Variants in SNAPC4 observed in about 807,000 individuals in gnomAD.
SNAPC4 encodes snRNA-activating protein complex subunit 4.
A neutral mutation model predicts 151.3 loss-of-function variants in SNAPC4; 127 were observed. The ratio of observed to expected loss-of-function variants is 0.84; its 90% confidence interval spans 0.73 to 0.97. SNAPC4 has a LOEUF of 0.97. SNAPC4 is among the 50% of genes least tolerant of loss of function. The pLI is 0.00. For synonymous variants in SNAPC4, 1,002 were observed against 824.4 expected (o/e 1.22, Z -3.69); for missense variants, 2,186 against 1,935.0 (o/e 1.13, Z -2.43).
intron 16 of SNAPC4, 66 bp from the exon 17 acceptor site, chr9:136,382,402 G>A (rs980572375): frequency 4.1e-5 from 55 of 1,341,420 alleles, no homozygotes; most frequent in South Asian, 4.8e-5. Flanking sequence ...CCCTCCCCTC[G>A]CTGCCCACAC....
chr9:136,387,470 C>G lies in SNAPC4; in HGVS notation c.1325+15G>C, dbSNP rs368179285. On this transcript the variant is annotated intron_variant, in intron 13 of 23. Transcript: ENST00000684778. The stretch of plus-strand genomic sequence containing the variant: ...CCACACGGGCCCCTCCCTCGCTCAG[C>G]GCTGTGCGACTCACCGATCTCGGCA... 1 of 1,582,380 alleles carries G rather than the reference C, an allele frequency of 6.3e-7. No individual in the cohort carries two copies. The highest frequency in any genetic ancestry group is 1.3e-5 in the African/African-American group (1 of 74,214).
At position 136,394,793 on chromosome 9, in the gene SNAPC4, C is replaced by A. The variant is rs377492484; in HGVS notation, c.550+7G>T. ...AGGGGTGCCGCAGGGCCGGCCAGGG[C>A]TCTTACATTTGGTCACAAGGAGCTC... On this transcript the variant is annotated splice_region_variant and intron_variant, in intron 6 of 23. Coordinates refer to ENST00000684778, the MANE Select transcript of SNAPC4 (RefSeq NM_003086.4). 20 of 1,613,392 alleles carry A rather than the reference C, an allele frequency of 1.2e-5. No individual in the cohort carries two copies. The highest frequency in any genetic ancestry group is 1.7e-4 in the Middle Eastern group (1 of 6,050).
intron 21 of SNAPC4, 80 bp downstream of exon 21, chr9:136,379,757 A>G: frequency 7.4e-7 from 1 of 1,358,496 alleles, no homozygotes; most frequent in Non-Finnish European, 1.0e-6. Flanking sequence ...CTGTGGGTGA[A>G]AGCCAGGGCC....
At position 136,383,888 on chromosome 9, in the gene SNAPC4, T is replaced by C. The variant is rs1287386085; in HGVS notation, c.1500+65A>G. 10 of 1,216,364 alleles carry C rather than the reference T, an allele frequency of 8.2e-6. No homozygotes were observed. The highest frequency in any genetic ancestry group is 6.1e-6 in the Non-Finnish European group (5 of 822,250). The allele number at this position is 1,216,364 out of a possible 1,614,324, so 75.3% of individuals were successfully genotyped here. The stretch of plus-strand genomic sequence containing the variant: ...CCCCCTCCCCTCCCCTCCTCCTGCC[T>C]GCTGGACCCCCCAGTTGACCAGGCC... On this transcript the variant is annotated intron_variant, in intron 15 of 23. Transcript: ENST00000684778. The surrounding 1 kb of genome is among the most constrained non-coding windows in gnomAD (Gnocchi z 4.2).
chr9:136,394,929 C>A, intron 5 of SNAPC4, 51 bp from the exon 6 acceptor site: 1 of 1,513,424 alleles, frequency 6.6e-7, no homozygotes, highest in Non-Finnish European at 9.1e-7. Context: ...GTGCTCCCTG[C>A]AGGCCCAGCA....
chr9:136,394,724 G>A (rs982560085), intron 6 of SNAPC4, 76 bp downstream of exon 6: 3 of 1,341,176 alleles, frequency 2.2e-6, no homozygotes, highest in East Asian at 2.3e-5. Context: ...AGAACTTGGG[G>A]AGAAACTGGG....
Position 136,377,605 on chromosome 9 carries a change from C to A in SNAPC4, c.4222G>T (p.Glu1408Ter), listed in dbSNP as rs558443363. 6.5e-7 allele frequency: 1 copy of A among 1,541,988 alleles called. No homozygotes were observed. Among genetic ancestry groups the A allele is most frequent in the South Asian group, 1.2e-5 (1 of 82,258 alleles). ...CCGTCCCTGTCTGCAAGTTCCAGCT[C>A]ACTCAGGAGGTCTTCATCCTCACTC... ...SESEDEDLLS[E>*]LELADRDGQP... Residue 1408 changes from glutamate to a stop codon, truncating the protein, a stop_gained, in exon 22 of 24, where the codon GAG (glutamate) becomes TAG (stop). Transcript: ENST00000684778. LOFTEE classifies it high-confidence loss of function.
At chr9:136,394,393 G>T in intron 6 of SNAPC4, 63 bp from the exon 7 acceptor site, 1 of 1,445,564 alleles carries the variant, frequency 6.9e-7, no homozygotes, top group Non-Finnish European at 9.7e-7. Flanking sequence ...CAGCCCCCAC[G>T]GTTGGTGTGC....
At chr9:136,377,457 GC>G in intron 22 of SNAPC4, 85 bp downstream of exon 22, 1 of 1,444,974 alleles carries the variant, frequency 6.9e-7, no homozygotes. Context: ...ACTTCCACCA[GC>G]CCCCACCCCA....
Position 136,383,922 on chromosome 9 carries a change from G to A in SNAPC4, c.1500+31C>T. 1 of 1,596,668 alleles carries A rather than the reference G, an allele frequency of 6.3e-7. No homozygotes were observed. Among genetic ancestry groups the A allele is most frequent in the Middle Eastern group, 1.7e-4 (1 of 5,980 alleles). On this transcript the variant is annotated intron_variant, in intron 15 of 23. Transcript: ENST00000684778. The surrounding 1 kb of genome is among the most constrained non-coding windows in gnomAD (Gnocchi z 4.2). The stretch of plus-strand genomic sequence containing the variant: ...CCCCAGTTGACCAGGCCATTGTCTG[G>A]TTTCAGATAAAGAAGGAGCGAGTGG...
At chr9:136,399,573 G>A (rs183153558) in intron 1 of SNAPC4, among the ~76,000 whole-genome samples, 4 of 152,310 alleles carry the variant, frequency 2.6e-5, no homozygotes, top group South Asian at 2.1e-4. Context: ...ACTGACATCA[G>A]GGGCTGTCCC....
Position 136,377,765 on chromosome 9 carries a change from C to G in SNAPC4, c.4062G>C (p.Gln1354His), listed in dbSNP as rs746934799. The G allele has an allele frequency of 1.9e-6, 3 of 1,611,190 alleles. No homozygotes were observed. Among genetic ancestry groups the G allele is most frequent in the African/African-American group, 2.7e-5 (2 of 74,902 alleles). The change falls in exon 22 of 24, where the codon CAG becomes CAC. Residue 1354 changes from glutamine to histidine, a missense_variant. By Grantham distance (24) the Gln-to-His change is conservative. Coordinates refer to ENST00000684778, the MANE Select transcript of SNAPC4 (RefSeq NM_003086.4). The part of the protein sequence containing the change: ...LQASLGLVRG[Q>H]LQDNPAYLLL... ...GGAGGTAGGCCGGGTTGTCCTGGAG[C>G]TGCCCCCGCACCAGCCCCAGTGAGG...
chr9:136,382,019 C>T lies in SNAPC4; in HGVS notation c.2122G>A (p.Gly708Ser). ...LPTSSPGVSS[G>S]DSVARSHVQW... ...ACATGGGATCGGGCCACGCTGTCAC[C>T]AGAGCTGACCCCTGGGGATGAGGTG... Residue 708 changes from glycine (G) to serine (S), a missense_variant, in exon 18 of 24, where the codon GGT becomes AGT. Coordinates refer to ENST00000684778, the MANE Select transcript of SNAPC4 (RefSeq NM_003086.4). The T allele has an allele frequency of 1.2e-6, 2 of 1,607,458 alleles. No individual in the cohort carries two copies. Among genetic ancestry groups the T allele is most frequent in the Non-Finnish European group, 1.7e-6 (2 of 1,178,022 alleles).
In SNAPC4 at chr9:136,383,839, A is replaced by C; in HGVS notation, c.1500+114T>G. 1 of 1,338,824 alleles carries C rather than the reference A, an allele frequency of 7.5e-7. No homozygotes were observed. Among genetic ancestry groups the C allele is most frequent in the Non-Finnish European group, 1.1e-6 (1 of 948,970 alleles). The allele number at this position is 1,338,824 out of a possible 1,614,324, so 82.9% of individuals were successfully genotyped here. ...TGCCCTTGGCCACCCAGAAGAAGAA[A>C]TGCCAAGACCAGAAACCGAACGCCC... is the stretch of plus-strand genomic sequence containing the variant. On this transcript the variant is annotated intron_variant, in intron 15 of 23. Coordinates refer to ENST00000684778, the MANE Select transcript of SNAPC4 (RefSeq NM_003086.4). The surrounding 1 kb of genome is among the most constrained non-coding windows in gnomAD (Gnocchi z 4.2).
Position 136,387,688 on chromosome 9 carries a change from C to T in SNAPC4, c.1230+54G>A. 4 of 1,396,908 alleles carry T rather than the reference C, an allele frequency of 2.9e-6. No individual in the cohort carries two copies. In the South Asian group the frequency reaches 3.5e-5, roughly 12 times the overall value. 86.5% of individuals were successfully genotyped at this position (1,396,908 alleles called of 1,614,324 possible). A position where few individuals can be genotyped will look rare whatever the true frequency, so the allele number is the denominator to read the frequency against. Reference sequence around the variant, plus strand: ...CCACTGGGGCACAGCAGCCGCTGAACACAGCCGCGTTACCTTCCCAGAGCC... The same window carrying T: ...CCACTGGGGCACAGCAGCCGCTGAATACAGCCGCGTTACCTTCCCAGAGCC... On this transcript the variant is annotated intron_variant, in intron 12 of 23. Coordinates refer to ENST00000684778, the MANE Select transcript of SNAPC4 (RefSeq NM_003086.4).
At position 136,378,657 on chromosome 9, in the gene SNAPC4, G is replaced by A. The variant is rs1343812808; in HGVS notation, c.3170C>T (p.Pro1057Leu). 3 of 1,519,446 alleles carry A rather than the reference G, an allele frequency of 2.0e-6. No homozygotes were observed. The highest frequency in any genetic ancestry group is 2.6e-6 in the Non-Finnish European group (3 of 1,135,288). The allele number at this position is 1,519,446 out of a possible 1,614,324, so 94.1% of individuals were successfully genotyped here. ...CCCTCCTATGTGCGTCAGGCTGAGG[G>A]GCTGGACGGGCAGTGGGGTGGGGCT... ...APSPTPLPVQ[P>L]LSLTHIGGPH... is the part of the protein sequence containing the mutation. The change falls in exon 22 of 24, where the codon CCC (proline) becomes CTC (leucine). Residue 1057 changes from proline to leucine, a missense_variant. By Grantham distance (98) the Pro-to-Leu change is moderately conservative. Transcript: ENST00000684778.
In SNAPC4 at chr9:136,383,800, G is replaced by A; in HGVS notation, c.1501-132C>T. ...GGGGTCAAGAGCAGCCGCTGCCGAG[G>A]CAGGGTCTCCCTTTGCCCTTGGCCA... On this transcript the variant is annotated intron_variant, in intron 15 of 23. Transcript: ENST00000684778. The surrounding 1 kb of genome is among the most constrained non-coding windows in gnomAD (Gnocchi z 4.2). 1 of 1,369,550 alleles carries A rather than the reference G, an allele frequency of 7.3e-7. No homozygotes were observed. The highest frequency in any genetic ancestry group is 1.0e-6 in the Non-Finnish European group (1 of 987,074). The allele number at this position is 1,369,550 out of a possible 1,614,324, so 84.8% of individuals were successfully genotyped here. A position where few individuals can be genotyped will look rare whatever the true frequency, so the allele number is the denominator to read the frequency against.
At chr9:136,392,359 C>T (rs1834107563) in intron 9 of SNAPC4, among the ~76,000 whole-genome samples, 163 bp downstream of exon 9, 2 of 152,206 alleles carry the variant, frequency 1.3e-5, no homozygotes, top group Non-Finnish European at 2.9e-5. Flanking sequence ...AGTCCACTCG[C>T]CATTCCCGAC....
At chr9:136,391,600 G>A (rs891577383) in intron 10 of SNAPC4, among the ~76,000 whole-genome samples, 6 of 152,208 alleles carry the variant, frequency 3.9e-5, no homozygotes, top group African/African-American at 9.6e-5. Flanking sequence ...CTCACACGAG[G>A]AAAAAGCGCT....
Sources: gnomAD v4.1 joint callset for allele counts (sites outside exome capture counted in the v4.1 genomes callset) on GRCh38, gnomAD v4.1.1 for gene constraint, Gnocchi (gnomAD v3.1) non-coding constraint, MANE v1.5 for transcripts, NCBI Gene and HGNC (gene_info 2026-07-23, HGNC 2026-07-21) for gene names.